ITGB8: variants seen among roughly 807,000 people sequenced by gnomAD.
ITGB8 encodes the protein integrin subunit beta 8.
ITGB8 carries 30 observed loss-of-function variants against 89.5 expected under a neutral mutation model. That is an observed-to-expected ratio of 0.34 (90% CI 0.25 to 0.45). The LOEUF is 0.45. Among genes scored for constraint, ITGB8 ranks in the 20% least tolerant of loss-of-function variants. The pLI, the probability that ITGB8 is intolerant of heterozygous loss-of-function variation, is 1.00. For synonymous variants in ITGB8, 335 were observed against 320.4 expected, an observed-to-expected ratio of 1.05 and a Z score of -0.49; for missense variants, 836 against 933.3, an observed-to-expected ratio of 0.90 and a Z score of 1.36.
rs1334845913 is a variant in ITGB8, at chr7:20,413,102, C to A, written c.*3105C>A. On this transcript the variant is annotated 3_prime_UTR_variant, in exon 14 of 14. Coordinates refer to ENST00000222573, the MANE Select transcript of ITGB8 (RefSeq NM_002214.3). ...GGGGACACCATTGCACTGCAGTGCA[C>A]ACGTATTTATAAACATTTGTTATAT... 6.6e-6 allele frequency: 1 copy of A among 152,050 alleles called. No individual in the cohort carries two copies. Among genetic ancestry groups the A allele is most frequent in the Non-Finnish European group, 1.5e-5 (1 of 67,970 alleles). 9.4% of individuals were successfully genotyped at this position (152,050 alleles called of 1,614,324 possible). A position where few individuals can be genotyped will look rare whatever the true frequency, so the allele number is the denominator to read the frequency against.
At chr7:20,400,796 G>T (rs1415070161) in intron 9 of ITGB8, among the ~76,000 whole-genome samples, 1 of 152,094 alleles carries the variant, frequency 6.6e-6, no homozygotes, top group Non-Finnish European at 1.5e-5. Flanking sequence ...CTTAAGATTT[G>T]CAAATGAGAG....
intron 6 of ITGB8, among the ~76,000 whole-genome samples, chr7:20,385,818 C>T (rs552467803): frequency 9.6e-4 from 146 of 152,184 alleles, no homozygotes; most frequent in African/African-American, 3.3e-3. Flanking sequence ...AGTTAACAAA[C>T]GTTCATAACA....
At chr7:20,390,213 C>T (rs879356775) in intron 6 of ITGB8, among the ~76,000 whole-genome samples, 6 of 152,078 alleles carry the variant, frequency 3.9e-5, no homozygotes, top group Non-Finnish European at 8.8e-5. Context: ...GTAATTTGAA[C>T]TTAAATGTTA....
chr7:20,339,656 G>A (rs1784688640), intron 1 of ITGB8, among the ~76,000 whole-genome samples: 1 of 152,186 alleles, frequency 6.6e-6, no homozygotes, highest in Non-Finnish European at 1.5e-5. Flanking sequence ...CATTGTTAAA[G>A]TGTTCTTATC....
At position 20,413,491 on chromosome 7, in the gene ITGB8, T is replaced by C. The variant is rs1299575784; in HGVS notation, c.*3494T>C. 2.0e-5 allele frequency: 3 copies of C among 152,574 alleles called. No homozygotes were observed. The highest frequency in any genetic ancestry group is 6.5e-5 in the Admixed American group (1 of 15,268). The allele number at this position is 152,574 out of a possible 1,614,324, so 9.5% of individuals were successfully genotyped here. A position where few individuals can be genotyped will look rare whatever the true frequency, so the allele number is the denominator to read the frequency against. On this transcript the variant is annotated 3_prime_UTR_variant, in exon 14 of 14. Transcript: ENST00000222573. ...GAATTATATTCTTCCTGGAACCTGG[T>C]AGAGTAGATTAGACTCAAAGGCTTT...
At chr7:20,351,382 G>A (rs180828628) in intron 1 of ITGB8, among the ~76,000 whole-genome samples, 1 of 152,316 alleles carries the variant, frequency 6.6e-6, no homozygotes, top group East Asian at 1.9e-4. Context: ...CTTTAGGTGA[G>A]ACTTAGCCTC....
At chr7:20,343,338 AT>A (rs938729208) in intron 1 of ITGB8, among the ~76,000 whole-genome samples, 66 of 152,204 alleles carry the variant, frequency 4.3e-4, no homozygotes, top group African/African-American at 1.5e-3. Context: ...CAATCATGTA[AT>A]AAAATGGCCC....
intron 1 of ITGB8, among the ~76,000 whole-genome samples, chr7:20,363,154 G>A (rs1391666063): frequency 6.6e-6 from 1 of 152,082 alleles, no homozygotes; most frequent in Non-Finnish European, 1.5e-5. Context: ...TGCCCATCAA[G>A]ATTGTTTCTC....
At chr7:20,366,174 A>G (rs1785688147) in intron 2 of ITGB8, 1 of 152,202 alleles carries the variant, frequency 6.6e-6, no homozygotes, top group African/African-American at 2.4e-5. Flanking sequence ...TCTAACATCT[A>G]TGGAAGACAT....
intron 1 of ITGB8, chr7:20,352,993 T>C (rs1361012093): frequency 3.3e-5 from 5 of 152,262 alleles, no homozygotes; most frequent in African/African-American, 7.2e-5. Flanking sequence ...CTGACTGGGC[T>C]TCTTGTGATG....
rs1785034681 is a variant in ITGB8, at chr7:20,349,284, T to C, written c.128-14353T>C. Among the ~76,000 whole-genome samples, 4 of 151,966 alleles carry C rather than the reference T, an allele frequency of 2.6e-5. 1 individual carries two copies. In the South Asian group the frequency reaches 6.2e-4, roughly 24 times the overall value. ...AGAGAACAGGATATAAAGTATAATA[T>C]TGATGTATAGTTCAAGCTATATTAG... On this transcript the variant is annotated intron_variant, in intron 1 of 13. Coordinates refer to ENST00000222573, the MANE Select transcript of ITGB8 (RefSeq NM_002214.3).
intron 3 of ITGB8, among the ~76,000 whole-genome samples, chr7:20,376,428 G>C (rs368602346): frequency 2.0e-5 from 3 of 152,224 alleles, no homozygotes; most frequent in East Asian, 1.9e-4. Context: ...TCTATGATGA[G>C]ATCACGTACA....
chr7:20,369,271 G>A (rs1387103625), intron 3 of ITGB8, among the ~76,000 whole-genome samples: 1 of 152,160 alleles, frequency 6.6e-6, no homozygotes, highest in Non-Finnish European at 1.5e-5. Context: ...CTGTTTGGCT[G>A]CTATAACAAA....
chr7:20,372,816 G>A (rs1785988430), intron 3 of ITGB8, among the ~76,000 whole-genome samples: 1 of 152,114 alleles, frequency 6.6e-6, no homozygotes, highest in Admixed American at 6.6e-5. Flanking sequence ...CCATGAGGCA[G>A]AACTAGTTTA....
intron 3 of ITGB8, among the ~76,000 whole-genome samples, chr7:20,374,833 T>C (rs1458556774): frequency 1.3e-5 from 2 of 152,164 alleles, no homozygotes; most frequent in Non-Finnish European, 2.9e-5. Context: ...CCATTGGGCA[T>C]TGGCCATCTG....
At chr7:20,389,166 G>C (rs1786754587) in intron 6 of ITGB8, among the ~76,000 whole-genome samples, 2 of 152,142 alleles carry the variant, frequency 1.3e-5, no homozygotes, top group African/African-American at 4.8e-5. Flanking sequence ...TGGGTCCAAT[G>C]ATATTTCTGG....
intron 1 of ITGB8, among the ~76,000 whole-genome samples, chr7:20,343,939 T>C (rs1375137858): frequency 1.3e-5 from 2 of 152,226 alleles, no homozygotes; most frequent in Non-Finnish European, 2.9e-5. Flanking sequence ...TTCTTTGGTA[T>C]TTGAAAAAGG....
chr7:20,397,029 C>G (rs551664543), intron 8 of ITGB8, among the ~76,000 whole-genome samples: 2 of 152,214 alleles, frequency 1.3e-5, no homozygotes, highest in African/African-American at 4.8e-5. Flanking sequence ...TCTTCACAGT[C>G]CAACAGAATC....
At chr7:20,336,287 G>A (rs900019302) in intron 1 of ITGB8, among the ~76,000 whole-genome samples, 3 of 152,054 alleles carry the variant, frequency 2.0e-5, no homozygotes, top group African/African-American at 7.2e-5. Context: ...TTACAGGCGT[G>A]AGCCACCACA....
Sources: allele counts gnomAD v4.1 joint callset (sites outside exome capture counted in the v4.1 genomes callset), GRCh38; gene constraint gnomAD v4.1.1; transcripts MANE v1.5; gene names NCBI Gene and HGNC (gene_info 2026-07-23, HGNC 2026-07-21).